Variants in ITPK1 observed in about 807,000 individuals in gnomAD.
ITPK1 encodes inositol-tetrakisphosphate 1-kinase.
ITPK1 carries 21 observed loss-of-function variants against 45.3 expected under a neutral mutation model. The observed-to-expected ratio is 0.46, with a 90% CI of 0.33 to 0.67. ITPK1 has a LOEUF of 0.67. Ranked by LOEUF, ITPK1 falls within the 30% of genes least tolerant of loss-of-function variation. The pLI is 0.02. For missense variants in ITPK1, 474 were observed against 573.5 expected (o/e 0.83, Z 1.77); for synonymous variants, 258 against 253.6 (o/e 1.02, Z -0.16).
rs1300328443 is a variant in ITPK1 at position 93,016,290 on chromosome 14, C to T, written c.246+386G>A. ...AGGCAGGACTCAGTTCAAAGGCCCT[C>T]GGGGGTCCCCTTTACCAAGTGCAGC... On this transcript the variant is annotated intron_variant, in intron 4 of 10. Coordinates refer to ENST00000267615, the MANE Select transcript of ITPK1 (RefSeq NM_014216.6). This position sits in a 1 kb window ranked among gnomAD's most constrained non-coding sequence, Gnocchi z 5.0. 6.6e-6 allele frequency among the ~76,000 whole-genome samples: 1 copy of T among 152,158 alleles called. No individual in the cohort carries two copies. The highest frequency in any genetic ancestry group is 6.5e-5 in the Admixed American group (1 of 15,280).
intron 2 of ITPK1, among the ~76,000 whole-genome samples, chr14:93,104,503 G>A (rs534222319): frequency 2.6e-5 from 4 of 151,820 alleles, no homozygotes; most frequent in South Asian, 4.2e-4. Context: ...TCCTGACATC[G>A]ATCGACGGCA....
At position 93,024,802 on chromosome 14, in the gene ITPK1, T is replaced by C. The variant is rs1888651258; in HGVS notation, c.121-8001A>G. 2.6e-5 allele frequency among the ~76,000 whole-genome samples: 4 copies of C among 151,812 alleles called. No individual in the cohort carries two copies. The South Asian group carries it at 8.4e-4, about 32-fold the overall frequency. ...ACTGAGGCTGTATAACCAGCAAATC[T>C]CCCCCAACACCCCCAGGTCCCTGTG... On this transcript the variant is annotated intron_variant, in intron 3 of 10. Transcript: ENST00000267615.
rs1376310687 is a variant in ITPK1 at position 93,061,142 on chromosome 14, C to A, written c.120+15453G>T. Among the ~76,000 whole-genome samples, 4 of 152,232 alleles carry A rather than the reference C, an allele frequency of 2.6e-5. No homozygotes were observed. In the East Asian group the frequency reaches 7.7e-4, roughly 29 times the overall value. ...ACTCTTCAGAAATTAACTTTCCGGACTGCAATTCCCCAAATGACTCCTAAC... is the reference window on the plus strand; with the variant it reads ...ACTCTTCAGAAATTAACTTTCCGGAATGCAATTCCCCAAATGACTCCTAAC... On this transcript the variant is annotated intron_variant, in intron 3 of 10. Coordinates refer to ENST00000267615, the MANE Select transcript of ITPK1 (RefSeq NM_014216.6).
intron 4 of ITPK1, among the ~76,000 whole-genome samples, chr14:93,011,635 G>A (rs934836585): frequency 1.3e-5 from 2 of 152,128 alleles, no homozygotes; most frequent in East Asian, 1.9e-4. Context: ...CTGCTCAGAG[G>A]CCAGCCTTCA....
intron 3 of ITPK1, among the ~76,000 whole-genome samples, chr14:93,025,500 C>T (rs967671024): frequency 1.3e-5 from 2 of 152,118 alleles, no homozygotes; most frequent in Admixed American, 6.6e-5. Context: ...TTAAATCCAC[C>T]GGGAGTTGTT....
At chr14:93,028,337 G>A (rs924356078) in intron 3 of ITPK1, among the ~76,000 whole-genome samples, 4 of 152,178 alleles carry the variant, frequency 2.6e-5, no homozygotes, top group East Asian at 1.9e-4. Flanking sequence ...GACATGAGCC[G>A]GAAACCAACC....
chr14:93,046,613 G>A (rs1260887663), intron 3 of ITPK1, among the ~76,000 whole-genome samples: 5 of 148,796 alleles, frequency 3.4e-5, no homozygotes, highest in Admixed American at 2.0e-4. Flanking sequence ...GCGGCGGGGG[G>A]AACACAAGCA....
In ITPK1 at chr14:93,063,969, A is replaced by C. The variant is rs1408678943; in HGVS notation, c.120+12626T>G. Among the ~76,000 whole-genome samples, 1 of 152,160 alleles carries C rather than the reference A, an allele frequency of 6.6e-6. No homozygotes were observed. Among genetic ancestry groups the C allele is most frequent in the Non-Finnish European group, 1.5e-5 (1 of 68,032 alleles). On this transcript the variant is annotated intron_variant, in intron 3 of 10. Transcript: ENST00000267615. The surrounding 1 kb of genome is among the most constrained non-coding windows in gnomAD (Gnocchi z 4.3). ...CCTACTAGGTGCTTACTGCCCAGAC[A>C]ACAGGGCTGGTGACCTTTAAAAAAA...
intron 2 of ITPK1, among the ~76,000 whole-genome samples, chr14:93,088,192 C>T (rs922614152): frequency 6.6e-6 from 1 of 152,198 alleles, no homozygotes; most frequent in African/African-American, 2.4e-5. Flanking sequence ...CCCAGGCCTG[C>T]TCTCCCTGTC....
At chr14:93,106,066 T>G (rs923119575) in intron 2 of ITPK1, among the ~76,000 whole-genome samples, 6 of 152,160 alleles carry the variant, frequency 3.9e-5, no homozygotes, top group African/African-American at 1.4e-4. Flanking sequence ...GATCGATGAC[T>G]GCCAAAGAGC....
chr14:93,103,116 A>G (rs905542044), intron 2 of ITPK1, among the ~76,000 whole-genome samples: 3 of 145,394 alleles, frequency 2.1e-5, no homozygotes, highest in Admixed American at 6.9e-5. Context: ...AAAAAAAAAA[A>G]AGAAAGAAAG....
At chr14:93,056,120 G>C (rs1434777458) in intron 3 of ITPK1, among the ~76,000 whole-genome samples, 1 of 152,240 alleles carries the variant, frequency 6.6e-6, no homozygotes, top group Admixed American at 6.5e-5. Flanking sequence ...GAGTTCCCCA[G>C]ATAGAGAAGG....
intron 8 of ITPK1, among the ~76,000 whole-genome samples, chr14:92,955,533 G>T (rs1412724371): frequency 6.6e-6 from 1 of 152,202 alleles, no homozygotes; most frequent in East Asian, 1.9e-4. Context: ...CAGTCTCTCT[G>T]TGAATGCGAA....
At chr14:93,054,412 T>C (rs536339467) in intron 3 of ITPK1, among the ~76,000 whole-genome samples, 28 of 152,304 alleles carry the variant, frequency 1.8e-4, no homozygotes, top group African/African-American at 5.3e-4. Context: ...AGGTTAGACT[T>C]AAAGCACAGG....
intron 3 of ITPK1, among the ~76,000 whole-genome samples, chr14:93,062,570 T>G (rs1595180303): frequency 6.6e-6 from 1 of 152,152 alleles, no homozygotes; most frequent in Admixed American, 6.5e-5. Flanking sequence ...AGTAACACAT[T>G]TTGTTCCCAC....
At position 93,033,743 on chromosome 14, in the gene ITPK1, G is replaced by A. The variant is rs564723696; in HGVS notation, c.121-16942C>T. Among the ~76,000 whole-genome samples, 3 of 152,336 alleles carry A rather than the reference G, an allele frequency of 2.0e-5. No individual in the cohort carries two copies. The East Asian group carries it at 5.8e-4, about 29-fold the overall frequency. The stretch of plus-strand genomic sequence containing the variant: ...CACCCACTGGTCCCCAGGGCCTCAG[G>A]AACCAGGGAGGGTTTCTCCTGGAAG... On this transcript the variant is annotated intron_variant, in intron 3 of 10. Transcript: ENST00000267615.
At chr14:93,107,443 A>G (rs1351519305) in intron 2 of ITPK1, among the ~76,000 whole-genome samples, 4 of 152,222 alleles carry the variant, frequency 2.6e-5, no homozygotes, top group Non-Finnish European at 5.9e-5. Flanking sequence ...GGGCCTAAGT[A>G]TCAGTGAAGA....
In ITPK1 at chr14:93,016,950, G is replaced by A; in HGVS notation, c.121-149C>T. 9.9e-7 allele frequency: 1 copy of A among 1,009,036 alleles called. No individual in the cohort carries two copies. The highest frequency in any genetic ancestry group is 1.6e-5 in the South Asian group (1 of 61,516). The allele number at this position is 1,009,036 out of a possible 1,614,324, so 62.5% of individuals were successfully genotyped here. A position where few individuals can be genotyped will look rare whatever the true frequency, so the allele number is the denominator to read the frequency against. On this transcript the variant is annotated intron_variant, in intron 3 of 10. Coordinates refer to ENST00000267615, the MANE Select transcript of ITPK1 (RefSeq NM_014216.6). The surrounding 1 kb of genome is among the most constrained non-coding windows in gnomAD (Gnocchi z 5.0). ...GATGGGGCAGGAGGAGGGCTGACAT[G>A]GAAAATACAGACAGGACAAGCAGGA... is the stretch of plus-strand genomic sequence containing the variant.
chr14:93,009,737 G>A lies in ITPK1; in HGVS notation c.246+6939C>T, dbSNP rs1352062157. Among the ~76,000 whole-genome samples, 4 of 152,152 alleles carry A rather than the reference G, an allele frequency of 2.6e-5. No homozygotes were observed. In the East Asian group the frequency reaches 7.7e-4, roughly 29 times the overall value. ...AGGGCTGCCAGATGCGTCCAACTCTGCCTCCCGTAGCATCTGCTGGCCAGC... is the reference window on the plus strand; with the variant it reads ...AGGGCTGCCAGATGCGTCCAACTCTACCTCCCGTAGCATCTGCTGGCCAGC... On this transcript the variant is annotated intron_variant, in intron 4 of 10. Coordinates refer to ENST00000267615, the MANE Select transcript of ITPK1 (RefSeq NM_014216.6).
Sources: allele counts gnomAD v4.1 joint callset (sites outside exome capture counted in the v4.1 genomes callset), GRCh38; gene constraint gnomAD v4.1.1; non-coding constraint Gnocchi (gnomAD v3.1); transcripts MANE v1.5; gene names NCBI Gene and HGNC (gene_info 2026-07-23, HGNC 2026-07-21).